DOK6: variants seen among roughly 807,000 people sequenced by gnomAD.
DOK6 encodes docking protein 6, also known as downstream of tyrosine kinase 6.
In DOK6, 22 loss-of-function variants were observed where a neutral mutation model predicts 44.0. The ratio of observed to expected loss-of-function variants is 0.50; its 90% CI spans 0.36 to 0.71. DOK6 has a LOEUF of 0.71. Ranked by LOEUF, DOK6 falls within the 30% of genes least tolerant of loss-of-function variation. The pLI, the probability that DOK6 is intolerant of heterozygous loss-of-function variation, is 0.00. For synonymous variants in DOK6, 166 were observed against 145.5 expected (o/e 1.14, Z -1.01); for missense variants, 340 against 416.4 (o/e 0.82, Z 1.60).
intron 7 of DOK6, among the ~76,000 whole-genome samples, chr18:69,822,413 A>T (rs1981600327): frequency 6.6e-6 from 1 of 152,034 alleles, no homozygotes; most frequent in Non-Finnish European, 1.5e-5. Flanking sequence ...CAAGAGTATT[A>T]GCCTTTTTGA....
chr18:69,674,015 T>G (rs1037529680), intron 3 of DOK6, among the ~76,000 whole-genome samples: 14 of 152,200 alleles, frequency 9.2e-5, no homozygotes, highest in Admixed American at 2.6e-4. Flanking sequence ...GTTCAGATTA[T>G]TGCATTTGTA....
At chr18:69,522,362 A>G (rs1040545000) in intron 1 of DOK6, among the ~76,000 whole-genome samples, 1 of 152,036 alleles carries the variant, frequency 6.6e-6, no homozygotes, top group Non-Finnish European at 1.5e-5. Flanking sequence ...TAAGACTTCA[A>G]CTAGAACCAA....
intron 1 of DOK6, among the ~76,000 whole-genome samples, chr18:69,518,642 G>T (rs1213732960): frequency 6.6e-6 from 1 of 152,080 alleles, no homozygotes; most frequent in Admixed American, 6.6e-5. Flanking sequence ...AAAATATTTG[G>T]CAAGGTGAAT....
At chr18:69,486,058 G>T (rs1416057353) in intron 1 of DOK6, among the ~76,000 whole-genome samples, 1 of 150,836 alleles carries the variant, frequency 6.6e-6, no homozygotes, top group African/African-American at 2.4e-5. Flanking sequence ...CACATATGAA[G>T]CAGGGAAAAT....
chr18:69,466,117 T>G (rs1218114717), intron 1 of DOK6, among the ~76,000 whole-genome samples: 3 of 152,210 alleles, frequency 2.0e-5, no homozygotes, highest in African/African-American at 7.2e-5. Flanking sequence ...GTGAACTTAT[T>G]CATCCTGTCT....
intron 3 of DOK6, among the ~76,000 whole-genome samples, chr18:69,632,976 G>A (rs1365618341): frequency 1.3e-5 from 2 of 152,138 alleles, no homozygotes; most frequent in African/African-American, 4.8e-5. Flanking sequence ...TTTGTATGGG[G>A]AACATCATGG....
At chr18:69,649,141 A>G (rs1366081513) in intron 3 of DOK6, among the ~76,000 whole-genome samples, 1 of 152,234 alleles carries the variant, frequency 6.6e-6, no homozygotes, top group Non-Finnish European at 1.5e-5. Context: ...CGCAAACCTG[A>G]GGCAGGAAAG....
At chr18:69,470,170 A>C (rs1980054756) in intron 1 of DOK6, 1 of 152,570 alleles carries the variant, frequency 6.6e-6, no homozygotes, top group Admixed American at 6.5e-5. Context: ...TGGCGTGTGT[A>C]GGTCTGGCCC....
intron 1 of DOK6, among the ~76,000 whole-genome samples, chr18:69,467,135 T>G (rs1004050022): frequency 6.6e-6 from 1 of 152,146 alleles, no homozygotes; most frequent in Non-Finnish European, 1.5e-5. Flanking sequence ...AGCCACTGCC[T>G]TATTTAATAA....
At chr18:69,726,231 C>G (rs1433753138) in intron 5 of DOK6, among the ~76,000 whole-genome samples, 1 of 152,164 alleles carries the variant, frequency 6.6e-6, no homozygotes, top group Non-Finnish European at 1.5e-5. Flanking sequence ...CTTTTTCTGT[C>G]TTCAGATTAT....
intron 1 of DOK6, among the ~76,000 whole-genome samples, chr18:69,402,839 G>A (rs1365421532): frequency 6.6e-6 from 1 of 152,198 alleles, no homozygotes; most frequent in African/African-American, 2.4e-5. Context: ...TTCTTGGGTA[G>A]AAGAAAGCGC....
At chr18:69,542,484 ATAAGT>A (rs1278308926) in intron 1 of DOK6, among the ~76,000 whole-genome samples, 1 of 151,152 alleles carries the variant, frequency 6.6e-6, no homozygotes, top group Middle Eastern at 3.2e-3. Flanking sequence ...AGAGAAAAAG[ATAAGT>A]TAAGCCATAA....
At chr18:69,749,872 C>T (rs950703775) in intron 6 of DOK6, among the ~76,000 whole-genome samples, 1 of 149,144 alleles carries the variant, frequency 6.7e-6, no homozygotes, top group Admixed American at 6.7e-5. Flanking sequence ...ACCTGGGAGG[C>T]GAAGGTTGCA....
intron 1 of DOK6, among the ~76,000 whole-genome samples, chr18:69,437,945 C>T (rs1979028698): frequency 6.6e-6 from 1 of 152,126 alleles, no homozygotes; most frequent in African/African-American, 2.4e-5. Context: ...GTCTGAAAAA[C>T]AATGTAATTC....
At chr18:69,427,992 G>A (rs1362182161) in intron 1 of DOK6, among the ~76,000 whole-genome samples, 3 of 152,052 alleles carry the variant, frequency 2.0e-5, no homozygotes, top group Non-Finnish European at 4.4e-5. Flanking sequence ...TGGCCAGGCT[G>A]GTCTCGAACT....
intron 6 of DOK6, 73 bp downstream of exon 6, chr18:69,739,176 T>C: frequency 1.3e-6 from 2 of 1,575,924 alleles, no homozygotes; most frequent in Non-Finnish European, 1.7e-6. Flanking sequence ...ACTGTGTATG[T>C]GTGGGGCCAT....
At chr18:69,538,248 T>C (rs1190504254) in intron 1 of DOK6, among the ~76,000 whole-genome samples, 2 of 152,216 alleles carry the variant, frequency 1.3e-5, no homozygotes, top group Non-Finnish European at 2.9e-5. Flanking sequence ...GCAAGCCCTG[T>C]AGTATTTTGA....
intron 7 of DOK6, among the ~76,000 whole-genome samples, chr18:69,766,665 TTGAGGA>T (rs1979726113): frequency 6.6e-6 from 1 of 151,946 alleles, no homozygotes; most frequent in Non-Finnish European, 1.5e-5. Flanking sequence ...ATTGAGTAGG[TTGAGGA>T]GGAGGAGGAA....
At chr18:69,594,028 G>A (rs1983682510) in intron 2 of DOK6, among the ~76,000 whole-genome samples, 1 of 152,010 alleles carries the variant, frequency 6.6e-6, no homozygotes, top group African/African-American at 2.4e-5. Flanking sequence ...AATATCACTT[G>A]ATTCCATTAA....
Sources: allele counts gnomAD v4.1 joint callset (sites outside exome capture counted in the v4.1 genomes callset), GRCh38; gene constraint gnomAD v4.1.1; transcripts MANE v1.5; gene names NCBI Gene and HGNC (gene_info 2026-07-23, HGNC 2026-07-21).